The following NCOA2 variants were observed in gnomAD, a reference collection of about 807,000 sequenced individuals.
NCOA2 encodes the protein class E basic helix-loop-helix protein 75.
Under a neutral mutation model 145.1 loss-of-function variants are expected in NCOA2, and 21 were observed. That is an observed-to-expected ratio of 0.14 (90% CI 0.10 to 0.21). The LOEUF (loss-of-function observed/expected upper bound fraction) is 0.21. NCOA2 is among the 10% of genes least tolerant of loss of function. The pLI, the probability that NCOA2 is intolerant of heterozygous loss-of-function variation, is 1.00. For missense variants in NCOA2, 1,472 were observed against 1,837.6 expected, an observed-to-expected ratio of 0.80 and a Z score of 3.64; for synonymous variants, 619 against 637.5, an observed-to-expected ratio of 0.97 and a Z score of 0.44.
intron 4 of NCOA2, among the ~76,000 whole-genome samples, chr8:70,211,042 T>C (rs936802233): frequency 6.6e-6 from 1 of 152,234 alleles, no homozygotes; most frequent in African/African-American, 2.4e-5. Flanking sequence ...GGCTTTGGCC[T>C]GACTTATGTG....
chr8:70,375,804 A>G (rs1349949409), intron 1 of NCOA2, among the ~76,000 whole-genome samples: 1 of 152,220 alleles, frequency 6.6e-6, no homozygotes, highest in Non-Finnish European at 1.5e-5. Flanking sequence ...ACCTTTTAAT[A>G]GCAGAAAATA....
intron 2 of NCOA2, among the ~76,000 whole-genome samples, chr8:70,227,328 G>A (rs1004720139): frequency 1.3e-5 from 2 of 152,180 alleles, no homozygotes; most frequent in African/African-American, 4.8e-5. Context: ...CATGAAAAAA[G>A]TACAGGACCC....
Position 70,162,766 on chromosome 8 carries a change from G to A in NCOA2, c.921C>T (p.Phe307=). 1.2e-6 allele frequency: 2 copies of A among 1,613,916 alleles called. No individual in the cohort carries two copies. The highest frequency in any genetic ancestry group is 1.7e-6 in the Non-Finnish European group (2 of 1,179,832). ...EDLVRRCIQK[F]HAQHEGESVS... ...CAGATTCTCCTTCATGCTGCGCATGGAACTTCTGAATACACCTTCTTACCA... is the reference window on the plus strand; with the variant it reads ...CAGATTCTCCTTCATGCTGCGCATGAAACTTCTGAATACACCTTCTTACCA... Residue 307 remains phenylalanine (F), a synonymous_variant, in exon 9 of 23, where the codon TTC becomes TTT. Coordinates refer to ENST00000452400, the MANE Select transcript of NCOA2 (RefSeq NM_006540.4).
At chr8:70,185,898 G>A (rs1816016813) in intron 4 of NCOA2, among the ~76,000 whole-genome samples, 1 of 152,048 alleles carries the variant, frequency 6.6e-6, no homozygotes, top group African/African-American at 2.4e-5. Context: ...ACCATTTCTT[G>A]TGATTCTCCA....
intron 1 of NCOA2, among the ~76,000 whole-genome samples, chr8:70,345,537 C>T (rs941980106): frequency 6.6e-6 from 1 of 152,162 alleles, no homozygotes; most frequent in African/African-American, 2.4e-5. Context: ...TTGTAAAATC[C>T]TATTAAAATG....
At chr8:70,437,824 C>T in the NCOA2 span, among the ~76,000 whole-genome samples, 1 of 152,120 alleles carries the variant, frequency 6.6e-6, no homozygotes, top group Admixed American at 6.5e-5. Context: ...TCATTATAGA[C>T]ATTTGCTCAT....
chr8:70,366,432 T>G (rs1365848950), intron 1 of NCOA2, among the ~76,000 whole-genome samples: 1 of 152,108 alleles, frequency 6.6e-6, no homozygotes, highest in Non-Finnish European at 1.5e-5. Context: ...TGTTTCCATG[T>G]GAACTGGCTT....
chr8:70,128,648 C>T (rs1296716536), intron 17 of NCOA2, 54 bp downstream of exon 17: 5 of 1,601,038 alleles, frequency 3.1e-6, no homozygotes, highest in Non-Finnish European at 1.7e-6. Context: ...CATCATCTTC[C>T]CCATGTCCTC....
intron 1 of NCOA2, among the ~76,000 whole-genome samples, chr8:70,388,781 A>G (rs898301040): frequency 2.0e-5 from 3 of 152,178 alleles, no homozygotes; most frequent in African/African-American, 4.8e-5. Flanking sequence ...ACACACACAC[A>G]CGCAGACAGA....
chr8:70,141,489 A>T, intron 13 of NCOA2, 90 bp from the exon 14 acceptor site: 2 of 1,198,658 alleles, frequency 1.7e-6, no homozygotes, highest in Non-Finnish European at 1.2e-6. Flanking sequence ...CCTACAAAAC[A>T]ATCATTCTGT....
At chr8:70,229,302 G>C (rs71523176) in intron 2 of NCOA2, among the ~76,000 whole-genome samples, 1 of 152,110 alleles carries the variant, frequency 6.6e-6, no homozygotes, top group African/African-American at 2.4e-5. Flanking sequence ...GCAAGACTTA[G>C]GAAGAAGATA....
chr8:70,277,479 G>C (rs1825551989), intron 2 of NCOA2, among the ~76,000 whole-genome samples: 2 of 151,990 alleles, frequency 1.3e-5, no homozygotes, highest in South Asian at 4.1e-4. Flanking sequence ...AACTAATCCT[G>C]AAACTTTTTT....
chr8:70,157,929 C>T (rs922892441), intron 10 of NCOA2, among the ~76,000 whole-genome samples: 1 of 152,202 alleles, frequency 6.6e-6, no homozygotes, highest in Admixed American at 6.5e-5. Flanking sequence ...TCTTCTACTT[C>T]TGGATAACTC....
chr8:70,140,202 C>T (rs1234487460), intron 14 of NCOA2, among the ~76,000 whole-genome samples: 1 of 152,164 alleles, frequency 6.6e-6, no homozygotes, highest in Non-Finnish European at 1.5e-5. Flanking sequence ...CAATCGACTT[C>T]AGAACGCTTT....
At chr8:70,439,110 C>T in the NCOA2 span, among the ~76,000 whole-genome samples, 1 of 152,174 alleles carries the variant, frequency 6.6e-6, no homozygotes, top group Non-Finnish European at 1.5e-5. Context: ...ATGACAGGGA[C>T]TAATTCAATA....
intron 1 of NCOA2, among the ~76,000 whole-genome samples, chr8:70,345,849 T>C (rs576622486): frequency 6.6e-6 from 1 of 152,278 alleles, no homozygotes; most frequent in East Asian, 1.9e-4. Flanking sequence ...GAGCTGAGGC[T>C]AGAAGGCAGC....
intron 2 of NCOA2, among the ~76,000 whole-genome samples, chr8:70,219,726 A>G (rs1283691619): frequency 6.6e-6 from 1 of 152,228 alleles, no homozygotes; most frequent in Non-Finnish European, 1.5e-5. Context: ...GAGCAGACAC[A>G]TAAATTTATG....
intron 3 of NCOA2, among the ~76,000 whole-genome samples, chr8:70,215,836 T>G (rs181709826): frequency 3.2e-4 from 48 of 152,362 alleles, no homozygotes; most frequent in African/African-American, 1.2e-3. Context: ...CATTCTTTTT[T>G]CTTCCTTGTT....
the NCOA2 span, among the ~76,000 whole-genome samples, chr8:70,430,503 T>C: frequency 2.0e-5 from 3 of 152,222 alleles, no homozygotes; most frequent in Non-Finnish European, 2.9e-5. Flanking sequence ...TTGATGGAGA[T>C]AGCCAACATA....
Sources: gnomAD v4.1 joint callset for allele counts (sites outside exome capture counted in the v4.1 genomes callset) on GRCh38, gnomAD v4.1.1 for gene constraint, MANE v1.5 for transcripts, NCBI Gene and HGNC (gene_info 2026-07-23, HGNC 2026-07-21) for gene names.